Variants in PTPRD observed in about 807,000 individuals in gnomAD.
The protein encoded by PTPRD is receptor-type tyrosine-protein phosphatase delta.
Under a neutral mutation model 214.5 loss-of-function variants are expected in PTPRD, and 34 were observed. That is an observed-to-expected ratio of 0.16 (90% CI 0.12 to 0.21). The LOEUF (loss-of-function observed/expected upper bound fraction) is 0.21. Among genes scored for constraint, PTPRD ranks in the 10% least tolerant of loss-of-function variants. The pLI is 1.00. For synonymous variants in PTPRD, 1,128 were observed against 845.7 expected (o/e 1.33, Z -5.79); for missense variants, 2,545 against 2,398.7 (o/e 1.06, Z -1.27).
At chr9:9,838,472 G>C (rs2057436761) in intron 5 of PTPRD, among the ~76,000 whole-genome samples, 1 of 152,098 alleles carries the variant, frequency 6.6e-6, no homozygotes, top group Non-Finnish European at 1.5e-5. Flanking sequence ...TAACTGGTGT[G>C]AGATTGTATC....
At chr9:8,713,525 C>T (rs1381579239) in intron 12 of PTPRD, 2 of 1,234,118 alleles carry the variant, frequency 1.6e-6, no homozygotes, top group East Asian at 4.7e-5. Context: ...GAGAAGTCCC[C>T]GCTGCGGGTG....
intron 3 of PTPRD, among the ~76,000 whole-genome samples, chr9:10,279,173 C>T (rs1439425276): frequency 1.3e-5 from 2 of 151,530 alleles, no homozygotes; most frequent in Admixed American, 1.3e-4. Context: ...CATCCCTCCA[C>T]TCTTGTCAGT....
At chr9:8,940,446 C>CTTTTTTTTTTTTTTTTTTTT (rs34288443) in intron 11 of PTPRD, among the ~76,000 whole-genome samples, 1 of 95,032 alleles carries the variant, frequency 1.1e-5, no homozygotes, top group Non-Finnish European at 2.0e-5. Context: ...CCACTCCCAG[C>CTTTTTTTTTTTTTTTTTTTT]TTTTTTTTTT....
rs1455018667 is a variant in PTPRD at position 9,613,125 on chromosome 9, TACATAC to T, written c.-286-38350_-286-38345del. Among the ~76,000 whole-genome samples, 287 of 42,118 alleles carry T rather than the reference TACATAC, an allele frequency of 6.8e-3. 17 individuals carry two copies. Among genetic ancestry groups the T allele is most frequent in the African/African-American group, 0.019 (273 of 14,732 alleles). 27.6% of individuals were successfully genotyped at this position (42,118 alleles called of 152,430 possible). A position where few individuals can be genotyped will look rare whatever the true frequency, so the allele number is the denominator to read the frequency against. On this transcript the variant is annotated intron_variant, in intron 7 of 45. Coordinates refer to ENST00000381196, the MANE Select transcript of PTPRD (RefSeq NM_002839.4). ...TACATATAATAGCTAGGCTGCAGTA[TACATAC>T]ATACATATATATATATATATATATA... is the stretch of plus-strand genomic sequence containing the variant.
chr9:9,871,379 C>A (rs1463787422), intron 5 of PTPRD, among the ~76,000 whole-genome samples: 1 of 152,116 alleles, frequency 6.6e-6, no homozygotes, highest in African/African-American at 2.4e-5. Context: ...GTCTTGTATC[C>A]TTGATGGAGC....
intron 5 of PTPRD, among the ~76,000 whole-genome samples, chr9:9,902,145 A>G (rs531507753): frequency 6.6e-6 from 1 of 152,222 alleles, no homozygotes; most frequent in Admixed American, 6.5e-5. Flanking sequence ...TGTGTTTTCC[A>G]TCAGCCTTAT....
chr9:8,360,865 C>A lies in PTPRD; in HGVS notation c.4661+15071G>T, dbSNP rs2078291414. On this transcript the variant is annotated intron_variant, in intron 39 of 45. Coordinates refer to ENST00000381196, the MANE Select transcript of PTPRD (RefSeq NM_002839.4). ...CTCACAATGCATTAGGCTGAGAAACCCTGCTGTAAAGAAACCAGTTAAACT... is the reference window on the plus strand; with the variant it reads ...CTCACAATGCATTAGGCTGAGAAACACTGCTGTAAAGAAACCAGTTAAACT... Among the ~76,000 whole-genome samples the A allele has an allele frequency of 1.3e-5, 2 of 152,064 alleles. 1 individual carries two copies. The highest frequency in any genetic ancestry group is 4.8e-5 in the African/African-American group (2 of 41,412).
intron 8 of PTPRD, among the ~76,000 whole-genome samples, chr9:9,427,231 G>C (rs2081307220): frequency 6.6e-6 from 1 of 152,182 alleles, no homozygotes; most frequent in South Asian, 2.1e-4. Context: ...ACCTGATGGA[G>C]CTGAAAACCA....
At chr9:8,734,968 T>C (rs1385683419) in intron 11 of PTPRD, among the ~76,000 whole-genome samples, 5 of 152,078 alleles carry the variant, frequency 3.3e-5, no homozygotes, top group Non-Finnish European at 7.3e-5. Flanking sequence ...AAAGGAACTT[T>C]GGAAAACCTG....
intron 3 of PTPRD, among the ~76,000 whole-genome samples, chr9:10,297,370 A>T (rs987690528): frequency 6.6e-6 from 1 of 151,962 alleles, no homozygotes; most frequent in African/African-American, 2.4e-5. Context: ...CCCTTTGCAC[A>T]CCAAGTGTGG....
chr9:9,321,933 TC>T (rs1966786847), intron 9 of PTPRD, among the ~76,000 whole-genome samples: 2 of 152,180 alleles, frequency 1.3e-5, no homozygotes, highest in South Asian at 4.1e-4. Context: ...TTTATCGCTC[TC>T]ATTAAAATAT....
chr9:9,656,171 G>T (rs923321452), intron 7 of PTPRD, among the ~76,000 whole-genome samples: 2 of 152,112 alleles, frequency 1.3e-5, no homozygotes, highest in Non-Finnish European at 2.9e-5. Flanking sequence ...TATTTCCAGT[G>T]GGAATCCAAA....
intron 11 of PTPRD, among the ~76,000 whole-genome samples, chr9:8,786,402 C>CTTTTTTTTTTTTT: frequency 1.5e-5 from 1 of 66,996 alleles, no homozygotes; most frequent in Non-Finnish European, 2.7e-5. Context: ...GTTTGGAGTT[C>CTTTTTTTTTTTTT]TTTTTTTTTT....
At chr9:9,552,149 A>G (rs2080434737) in intron 8 of PTPRD, among the ~76,000 whole-genome samples, 1 of 152,042 alleles carries the variant, frequency 6.6e-6, no homozygotes, top group South Asian at 2.1e-4. Flanking sequence ...ACTTTTACCA[A>G]TAAAGAAACA....
At chr9:8,403,605 T>C (rs2092675002) in intron 36 of PTPRD, among the ~76,000 whole-genome samples, 1 of 152,204 alleles carries the variant, frequency 6.6e-6, no homozygotes, top group Non-Finnish European at 1.5e-5. Context: ...ATTGGAAAAA[T>C]GATCCGTCAT....
chr9:8,451,137 G>C (rs183399222), intron 33 of PTPRD, among the ~76,000 whole-genome samples: 1 of 152,148 alleles, frequency 6.6e-6, no homozygotes, highest in South Asian at 2.1e-4. Flanking sequence ...ACTAACCAGG[G>C]GGTGAAGAGA....
intron 9 of PTPRD, among the ~76,000 whole-genome samples, chr9:9,260,077 T>C (rs1190542929): frequency 6.6e-6 from 1 of 151,892 alleles, no homozygotes; most frequent in Non-Finnish European, 1.5e-5. Flanking sequence ...AAAACTGTTT[T>C]ATGAGCTTTG....
intron 5 of PTPRD, among the ~76,000 whole-genome samples, chr9:9,923,147 T>TGA (rs1214689261): frequency 4.6e-5 from 7 of 151,014 alleles, no homozygotes; most frequent in African/African-American, 1.7e-4. Flanking sequence ...TGTGTGTGTG[T>TGA]GTATGTACAG....
At chr9:8,623,416 ATTAT>A (rs1238695251) in intron 14 of PTPRD, among the ~76,000 whole-genome samples, 1 of 151,942 alleles carries the variant, frequency 6.6e-6, no homozygotes, top group Admixed American at 6.6e-5. Flanking sequence ...GGACCACATG[ATTAT>A]TTAGTGGACA....
Sources: allele counts gnomAD v4.1 joint callset (sites outside exome capture counted in the v4.1 genomes callset), GRCh38; gene constraint gnomAD v4.1.1; transcripts MANE v1.5; gene names NCBI Gene and HGNC (gene_info 2026-07-23, HGNC 2026-07-21).